Variants in MXRA5 observed in about 807,000 individuals in gnomAD.
The protein encoded by MXRA5 is matrix-remodeling-associated protein 5.
A neutral mutation model predicts 112.5 loss-of-function variants in MXRA5; 41 were observed. That is an observed-to-expected ratio of 0.36 (90% CI 0.28 to 0.47). The LOEUF (loss-of-function observed/expected upper bound fraction) is 0.47, where lower values mean the gene tolerates loss of function less well. Ranked by LOEUF, MXRA5 falls within the 20% of genes least tolerant of loss-of-function variation. The pLI is 0.99. For missense variants in MXRA5, 2,150 were observed against 2,251.0 expected, an observed-to-expected ratio of 0.96 and a Z score of 0.91; for synonymous variants, 862 against 900.8, an observed-to-expected ratio of 0.96 and a Z score of 0.77.
Position 3,321,193 on chromosome X carries a change from T to C in MXRA5, c.4492A>G (p.Thr1498Ala), listed in dbSNP as rs745823354. Residue 1498 changes from threonine (T) to alanine (A), a missense_variant, in exon 5 of 7, where the codon ACA becomes GCA. By Grantham distance (58) the Thr-to-Ala change is moderately conservative. Transcript: ENST00000217939. ...MKEPASSSPS[T>A]ILMSLGQTTT... ...GTTTGTCCCAAAGACATGAGAATTG[T>C]GGATGGGGACGAGGATGCTGGCTCC... The C allele has an allele frequency of 2.5e-6, 3 of 1,209,810 alleles. No homozygotes were observed. The East Asian group carries it at 8.9e-5, about 36-fold the overall frequency.
chrX:3,323,199 G>A lies in MXRA5; in HGVS notation c.2486C>T (p.Ala829Val). 14 of 1,211,471 alleles carry A rather than the reference G, an allele frequency of 1.2e-5. No homozygotes were observed. Among genetic ancestry groups the A allele is most frequent in the Non-Finnish European group, 1.5e-5 (13 of 895,423 alleles). Reference protein sequence around the residue: ...PPFPAISPPSASPVQTVTSAE... With the variant: ...PPFPAISPPSVSPVQTVTSAE... ...ACTGGTTACTGTCTGCACAGGAGAT[G>A]CTGAGGGGGGAGAAATAGCAGGAAA... is the stretch of plus-strand genomic sequence containing the variant. Residue 829 changes from alanine to valine, a missense_variant, in exon 5 of 7, where the codon GCA becomes GTA. Coordinates refer to ENST00000217939, the MANE Select transcript of MXRA5 (RefSeq NM_015419.4).
At chrX:3,337,386 C>T (rs1921806206) in intron 2 of MXRA5, among the ~76,000 whole-genome samples, 1 of 111,784 alleles carries the variant, frequency 8.9e-6, no homozygotes, top group Non-Finnish European at 1.9e-5. Flanking sequence ...CCCTACAACC[C>T]ACATTGATTC....
chrX:3,317,263 G>C lies in MXRA5; in HGVS notation c.6418C>G (p.Gln2140Glu). The change falls in exon 6 of 7, where the codon CAG becomes GAG. Residue 2140 changes from glutamine (Q) to glutamate (E), a missense_variant. Coordinates refer to ENST00000217939, the MANE Select transcript of MXRA5 (RefSeq NM_015419.4). ...SARRTVQLNV[Q>E]RAAANARITG... Reference sequence around the variant, plus strand: ...ATGCGCGCGTTGGCTGCTGCACGCTGCACGTTCAGCTGCACCGTCCTGCGC... The same window carrying C: ...ATGCGCGCGTTGGCTGCTGCACGCTCCACGTTCAGCTGCACCGTCCTGCGC... The C allele has an allele frequency of 8.3e-7, 1 of 1,209,890 alleles. No individual in the cohort carries two copies. The highest frequency in any genetic ancestry group is 1.1e-6 in the Non-Finnish European group (1 of 894,719).
intron 5 of MXRA5, among the ~76,000 whole-genome samples, chrX:3,318,820 T>C (rs962095151): frequency 8.9e-6 from 1 of 111,733 alleles, no homozygotes; most frequent in African/African-American, 3.3e-5. Flanking sequence ...AAAGGGAATG[T>C]GGTATATATG....
intron 2 of MXRA5, among the ~76,000 whole-genome samples, chrX:3,333,981 G>GTC (rs760918696): frequency 1.7e-4 from 18 of 108,719 alleles, no homozygotes; most frequent in Non-Finnish European, 2.3e-4. Context: ...GCATAGAAAG[G>GTC]TCTCTCTCTC....
Position 3,324,531 on chromosome X carries a change from C to A in MXRA5, c.1154G>T (p.Ser385Ile), listed in dbSNP as rs774532220. Residue 385 changes from serine (S) to isoleucine (I), a missense_variant, in exon 5 of 7, where the codon AGT (serine) becomes ATT (isoleucine). Ser to Ile is a moderately radical substitution (Grantham distance 142). This residue lies in a region of MXRA5 where 386 missense variants were observed against 411.0 expected (regional missense o/e 0.94). Transcript: ENST00000217939. ...TCTGTGTAGCTTCACGGGAACTTCA[C>A]TGTAGTATGCTATCAATTTCCATAG... The part of the protein sequence containing the change: ...EKLWKLIAYY[S>I]EVPVKLHREL... 8.3e-7 allele frequency: 1 copy of A among 1,211,332 alleles called. No individual in the cohort carries two copies. The highest frequency in any genetic ancestry group is 1.1e-6 in the Non-Finnish European group (1 of 895,386).
chrX:3,318,576 A>T (rs1603467905), intron 5 of MXRA5, among the ~76,000 whole-genome samples: 1 of 112,541 alleles, frequency 8.9e-6, no homozygotes, highest in African/African-American at 3.2e-5. Context: ...ACCCTCGTAC[A>T]CTGTTGGTGG....
At position 3,322,964 on chromosome X, in the gene MXRA5, C is replaced by T; in HGVS notation, c.2721G>A (p.Gly907=). 8.3e-7 allele frequency: 1 copy of T among 1,211,264 alleles called. No homozygotes were observed. Among genetic ancestry groups the T allele is most frequent in the Non-Finnish European group, 1.1e-6 (1 of 895,373 alleles). ...CAGATATAAGTGTAGGGGCTGCTGT[C>T]CCCTTCAGGTCTCCTTCAGTGGAAG... ...EITSTEGDLK[G]TAAPTLISEP... is the part of the protein sequence containing the mutation. Residue 907 remains glycine, a synonymous_variant, in exon 5 of 7, where the codon GGG becomes GGA. Transcript: ENST00000217939.
chrX:3,311,267 G>A lies in MXRA5; in HGVS notation c.6936C>T (p.Asn2312=), dbSNP rs1395608870. Reference sequence around the variant, plus strand: ...CTCCTTCCTCCCTCATCCCCACTTCGTTAAAGTAGAGTGTCCCATTGTTGA... The same window carrying A: ...CTCCTTCCTCCCTCATCCCCACTTCATTAAAGTAGAGTGTCCCATTGTTGA... The part of the protein sequence containing the change: ...VVFNNGTLYF[N]EVGMREEGDY... Residue 2312 remains asparagine (N), a synonymous_variant, in exon 7 of 7, where the codon AAC becomes AAT. Coordinates refer to ENST00000217939, the MANE Select transcript of MXRA5 (RefSeq NM_015419.4). 9 of 1,209,797 alleles carry A rather than the reference G, an allele frequency of 7.4e-6. No individual in the cohort carries two copies. Among genetic ancestry groups the A allele is most frequent in the East Asian group, 5.9e-5 (2 of 33,749 alleles).
chrX:3,309,730 T>C lies in MXRA5; in HGVS notation c.8473A>G (p.Ile2825Val), dbSNP rs746840124. 8.3e-7 allele frequency: 1 copy of C among 1,208,786 alleles called. No homozygotes were observed. Among genetic ancestry groups the C allele is most frequent in the Non-Finnish European group, 1.1e-6 (1 of 893,272 alleles). The change falls in exon 7 of 7, where the codon ATC (isoleucine) becomes GTC (valine). Residue 2825 changes from isoleucine to valine, a missense_variant. Ile to Val is a conservative substitution (Grantham distance 29, BLOSUM62 3). Transcript: ENST00000217939. ...GAATCCACATTTCAGAAGACGTGGATGTAAGTTGTTTTGGAGTCACTGCCG... is the reference window on the plus strand; with the variant it reads ...GAATCCACATTTCAGAAGACGTGGACGTAAGTTGTTTTGGAGTCACTGCCG... ...ILGSDSKTTY[I>V]HVF
chrX:3,334,173 G>T (rs778441430), intron 2 of MXRA5, among the ~76,000 whole-genome samples: 6 of 111,133 alleles, frequency 5.4e-5, no homozygotes, highest in Non-Finnish European at 1.1e-4. Flanking sequence ...GTAGAGATGG[G>T]GTTTCACCAT....
chrX:3,317,824 G>A lies in MXRA5; in HGVS notation c.5857C>T (p.Leu1953=). Residue 1953 remains leucine (L), a synonymous_variant, in exon 6 of 7, where the codon CTA becomes TTA. Coordinates refer to ENST00000217939, the MANE Select transcript of MXRA5 (RefSeq NM_015419.4). Reference sequence around the variant, plus strand: ...GTGACGTCCTGGTAGTGGGAGGCTAGGATTTGAGGTTGCTGCACGGTGACC... The same window carrying A: ...GTGACGTCCTGGTAGTGGGAGGCTAAGATTTGAGGTTGCTGCACGGTGACC... ...LSVTVQQPQI[L]ASHYQDVTVY... The A allele has an allele frequency of 7.4e-6, 9 of 1,211,508 alleles. No individual in the cohort carries two copies. The highest frequency in any genetic ancestry group is 8.9e-6 in the Non-Finnish European group (8 of 895,421).
chrX:3,332,711 A>G (rs1042602017), intron 2 of MXRA5, among the ~76,000 whole-genome samples: 4 of 112,188 alleles, frequency 3.6e-5, no homozygotes, highest in African/African-American at 1.3e-4. Flanking sequence ...TAGTCAATGA[A>G]CAATCATATA....
chrX:3,323,207 G>A lies in MXRA5; in HGVS notation c.2478C>T (p.Pro826=), dbSNP rs1339338594. The change falls in exon 5 of 7, where the codon CCC becomes CCT. Residue 826 remains proline (P), a synonymous_variant. Transcript: ENST00000217939. ...EVTPPFPAIS[P]PSASPVQTVT... ...CTGTCTGCACAGGAGATGCTGAGGG[G>A]GGAGAAATAGCAGGAAAAGGTGGTG... The A allele has an allele frequency of 2.5e-6, 3 of 1,211,301 alleles. No homozygotes were observed. Among genetic ancestry groups the A allele is most frequent in the Non-Finnish European group, 3.4e-6 (3 of 895,313 alleles).
chrX:3,337,995 A>C (rs1202970852), intron 2 of MXRA5, among the ~76,000 whole-genome samples: 1 of 111,376 alleles, frequency 9.0e-6, no homozygotes, highest in Non-Finnish European at 1.9e-5. Context: ...AGAATTTTGT[A>C]AGAATCTAAG....
In MXRA5 at chrX:3,323,292, C is replaced by T; in HGVS notation, c.2393G>A (p.Gly798Asp). The T allele has an allele frequency of 2.5e-6, 3 of 1,211,649 alleles. No individual in the cohort carries two copies. Among genetic ancestry groups the T allele is most frequent in the Non-Finnish European group, 2.2e-6 (2 of 895,507 alleles). Residue 798 changes from glycine to aspartate, a missense_variant, in exon 5 of 7, where the codon GGC (glycine) becomes GAC (aspartate). This residue lies in a region of MXRA5 where 1,485 missense variants were observed against 1,471.6 expected (regional missense o/e 1.01). Coordinates refer to ENST00000217939, the MANE Select transcript of MXRA5 (RefSeq NM_015419.4). ...AKVRGKNLPK[G>D]TEVPPLIKTT... ...TTTAATCAATGGGGGTACTTCTGTG[C>T]CCTTAGGGAGATTTTTCCCACGGAC...
chrX:3,330,403 G>T lies in MXRA5; in HGVS notation c.324C>A (p.Phe108Leu), dbSNP rs1347481077. Residue 108 changes from phenylalanine (F) to leucine (L), a missense_variant, in exon 4 of 7, where the codon TTC becomes TTA. Transcript: ENST00000217939. ...CTCTCAGCTTGTTGTAGCTGAACTT[G>T]AAAACCTGCAAGGACAGGGGAAAAC... ...ALRDLSSLQV[F>L]KFSYNKLRVI... is the part of the protein sequence containing the mutation. 1 of 1,190,895 alleles carries T rather than the reference G, an allele frequency of 8.4e-7. No individual in the cohort carries two copies. The highest frequency in any genetic ancestry group is 1.1e-6 in the Non-Finnish European group (1 of 886,935).
In MXRA5 at chrX:3,323,992, G is replaced by A. The variant is rs746146003; in HGVS notation, c.1693C>T (p.Arg565Cys). 1.3e-5 allele frequency: 16 copies of A among 1,204,898 alleles called. No individual in the cohort carries two copies. The highest frequency in any genetic ancestry group is 4.4e-5 in the Admixed American group (2 of 45,539). The stretch of plus-strand genomic sequence containing the variant: ...TGCACAAGTACCCTATATACCATGC[G>A]GTCCATTTCATCCCTCACTTGAGCA... Reference protein sequence around the residue: ...CIAQVRDEMDRMVYRVLVQSP... With the variant: ...CIAQVRDEMDCMVYRVLVQSP... Residue 565 changes from arginine (R) to cysteine (C), a missense_variant, in exon 5 of 7, where the codon CGC becomes TGC. By Grantham distance (180) the Arg-to-Cys change is radical. This residue lies in a region of MXRA5 where 1,485 missense variants were observed against 1,471.6 expected (regional missense o/e 1.01). Coordinates refer to ENST00000217939, the MANE Select transcript of MXRA5 (RefSeq NM_015419.4).
chrX:3,321,403 C>T lies in MXRA5; in HGVS notation c.4282G>A (p.Val1428Ile), dbSNP rs748024062. Residue 1428 changes from valine (V) to isoleucine (I), a missense_variant, in exon 5 of 7, where the codon GTC (valine) becomes ATC (isoleucine). By Grantham distance (29) the Val-to-Ile change is conservative. Transcript: ENST00000217939. ...FTSEFLSSLTVSTPFHQEEAG... is the reference protein window; with the variant it reads ...FTSEFLSSLTISTPFHQEEAG... ...TCTTCCTGGTGAAATGGTGTGGAGA[C>T]TGTCAAAGAGGACAAAAACTCGGAA... 8 of 1,210,017 alleles carry T rather than the reference C, an allele frequency of 6.6e-6. No individual in the cohort carries two copies. In the African/African-American group the frequency reaches 7.0e-5, roughly 11 times the overall value.
Sources: allele counts gnomAD v4.1 joint callset (sites outside exome capture counted in the v4.1 genomes callset), GRCh38; gene constraint gnomAD v4.1.1; regional missense constraint gnomAD v4.1.1; transcripts MANE v1.5; gene names NCBI Gene and HGNC (gene_info 2026-07-23, HGNC 2026-07-21).